Variants in TMEM108 observed in about 807,000 individuals in gnomAD.
TMEM108 encodes the protein cancer/testis antigen 124.
Under a neutral mutation model 35.1 loss-of-function variants are expected in TMEM108, and 12 were observed. The observed-to-expected ratio is 0.34, with a 90% CI of 0.22 to 0.55. The LOEUF (loss-of-function observed/expected upper bound fraction) is 0.55, where lower values mean the gene tolerates loss of function less well. TMEM108 is among the 20% of genes least tolerant of loss of function. The pLI is 0.89. For missense variants in TMEM108, 680 were observed against 753.3 expected (o/e 0.90, Z 1.14); for synonymous variants, 287 against 308.6 (o/e 0.93, Z 0.73).
At chr3:133,347,009 T>G (rs2071838910) in intron 3 of TMEM108, among the ~76,000 whole-genome samples, 2 of 152,140 alleles carry the variant, frequency 1.3e-5, no homozygotes, top group Middle Eastern at 3.2e-3. Flanking sequence ...TCTCTGTTCT[T>G]TCATCAGTAT....
intron 2 of TMEM108, among the ~76,000 whole-genome samples, chr3:133,057,573 G>C (rs1211112608): frequency 1.3e-5 from 2 of 150,462 alleles, no homozygotes; most frequent in African/African-American, 4.9e-5. Flanking sequence ...GGGTTCTTCT[G>C]CATTCTTTGG....
chr3:133,117,545 T>G (rs1944302499), intron 2 of TMEM108, among the ~76,000 whole-genome samples: 1 of 152,176 alleles, frequency 6.6e-6, no homozygotes, highest in Non-Finnish European at 1.5e-5. Flanking sequence ...TGCCATTGAC[T>G]GTTGTTGCCA....
At chr3:133,251,117 C>T (rs1429495143) in intron 3 of TMEM108, among the ~76,000 whole-genome samples, 3 of 152,098 alleles carry the variant, frequency 2.0e-5, no homozygotes, top group Non-Finnish European at 4.4e-5. Context: ...CATTCTGTAA[C>T]CCAAAGGGAC....
intron 3 of TMEM108, among the ~76,000 whole-genome samples, chr3:133,255,399 G>C (rs1354579391): frequency 6.6e-6 from 1 of 152,182 alleles, no homozygotes. Context: ...TTAAAATTCA[G>C]TGGATGGCTT....
intron 2 of TMEM108, among the ~76,000 whole-genome samples, chr3:133,127,661 C>A (rs1944435369): frequency 6.6e-6 from 1 of 152,306 alleles, no homozygotes; most frequent in African/African-American, 2.4e-5. Context: ...TCTTGTCTTC[C>A]ACTCCAGGCT....
chr3:133,335,528 G>GA (rs1248641965), intron 3 of TMEM108, among the ~76,000 whole-genome samples: 2 of 152,094 alleles, frequency 1.3e-5, no homozygotes, highest in African/African-American at 4.8e-5. Flanking sequence ...AAAAAAGTGG[G>GA]ATAAAATATA....
At position 133,089,776 on chromosome 3, in the gene TMEM108, C is replaced by T. The variant is rs139933305; in HGVS notation, c.-47+43756C>T. On this transcript the variant is annotated intron_variant, in intron 2 of 5. Transcript: ENST00000321871. ...TAATGGTCTGGTTGAAAACCTAGTTCATTCATAAACTGACCTGCTGAAGGC... is the reference window on the plus strand; with the variant it reads ...TAATGGTCTGGTTGAAAACCTAGTTTATTCATAAACTGACCTGCTGAAGGC... Among the ~76,000 whole-genome samples the T allele has an allele frequency of 3.8e-3, 575 of 152,326 alleles. 3 individuals carry two copies. The highest frequency in any genetic ancestry group is 0.01 in the Middle Eastern group (3 of 294).
At chr3:133,379,540 T>C (rs2072939180) in intron 3 of TMEM108, among the ~76,000 whole-genome samples, 1 of 152,108 alleles carries the variant, frequency 6.6e-6, no homozygotes, top group Non-Finnish European at 1.5e-5. Flanking sequence ...TGCTGGTCTC[T>C]CTTTCCAGCA....
intron 2 of TMEM108, among the ~76,000 whole-genome samples, chr3:133,194,151 A>G (rs1404627045): frequency 4.6e-5 from 7 of 152,070 alleles, no homozygotes; most frequent in Admixed American, 3.9e-4. Flanking sequence ...TGGTCAGGCT[A>G]GTCTTGAACT....
chr3:133,118,887 G>C (rs1308998702), intron 2 of TMEM108, among the ~76,000 whole-genome samples: 2 of 152,152 alleles, frequency 1.3e-5, no homozygotes, highest in Non-Finnish European at 1.5e-5. Context: ...CCAATAGTAA[G>C]AAGGTTGGCC....
rs866814364 is a variant in TMEM108 at position 133,384,997 on chromosome 3, A to G, written c.1450+3836A>G. ...ACCCTCTGCACCTGGTCCCCAGAGC[A>G]GTCTGGCCTCCTTCTAGACAGTGGA... On this transcript the variant is annotated intron_variant, in intron 4 of 5. Coordinates refer to ENST00000321871, the MANE Select transcript of TMEM108 (RefSeq NM_023943.4). 9.2e-5 allele frequency among the ~76,000 whole-genome samples: 14 copies of G among 152,124 alleles called. 1 individual carries two copies. Among genetic ancestry groups the G allele is most frequent in the South Asian group, 4.1e-4 (2 of 4,834 alleles).
chr3:133,389,057 G>T, intron 4 of TMEM108: 1 of 985,434 alleles, frequency 1.0e-6, no homozygotes, highest in Non-Finnish European at 1.2e-6. Flanking sequence ...ATGAACCTGG[G>T]GCAGGATATA....
At chr3:133,046,548 A>G (rs1344074218) in intron 2 of TMEM108, among the ~76,000 whole-genome samples, 1 of 152,152 alleles carries the variant, frequency 6.6e-6, no homozygotes, top group Non-Finnish European at 1.5e-5. Context: ...TGCCTGTTCC[A>G]TTTTATTTTA....
chr3:133,341,181 A>C (rs114673852), intron 3 of TMEM108, among the ~76,000 whole-genome samples: 6,654 of 151,900 alleles, frequency 0.044, 190 homozygotes, highest in Non-Finnish European at 0.064. Context: ...ACACCAAAAA[A>C]ACTATTAGAA....
chr3:133,213,588 G>T (rs971371234), intron 2 of TMEM108, among the ~76,000 whole-genome samples: 1 of 152,194 alleles, frequency 6.6e-6, no homozygotes, highest in African/African-American at 2.4e-5. Flanking sequence ...TTTCTTTGCA[G>T]TGAGTGACAG....
At chr3:133,234,047 A>G (rs914602730) in intron 3 of TMEM108, among the ~76,000 whole-genome samples, 1 of 152,004 alleles carries the variant, frequency 6.6e-6, no homozygotes, top group Non-Finnish European at 1.5e-5. Context: ...TAGTTTATTT[A>G]GATCCCATTT....
chr3:133,178,991 C>T lies in TMEM108; in HGVS notation c.-46-50275C>T, dbSNP rs1318728269. Reference sequence around the variant, plus strand: ...AAAAACAACCCCATCAAAAAGTGGGCGAAAGATATGAACAGACACTTCTCA... The same window carrying T: ...AAAAACAACCCCATCAAAAAGTGGGTGAAAGATATGAACAGACACTTCTCA... On this transcript the variant is annotated intron_variant, in intron 2 of 5. Coordinates refer to ENST00000321871, the MANE Select transcript of TMEM108 (RefSeq NM_023943.4). Among the ~76,000 whole-genome samples the T allele has an allele frequency of 6.6e-4, 101 of 152,102 alleles. 1 individual carries two copies. The highest frequency in any genetic ancestry group is 9.4e-4 in the African/African-American group (39 of 41,478).
At chr3:133,329,747 C>A (rs2071372311) in intron 3 of TMEM108, among the ~76,000 whole-genome samples, 1 of 152,128 alleles carries the variant, frequency 6.6e-6, no homozygotes, top group African/African-American at 2.4e-5. Flanking sequence ...AAGCAAATTG[C>A]AAAGTGAAGA....
At chr3:133,196,915 G>C (rs1945586645) in intron 2 of TMEM108, among the ~76,000 whole-genome samples, 1 of 152,222 alleles carries the variant, frequency 6.6e-6, no homozygotes, top group Non-Finnish European at 1.5e-5. Context: ...AGCCAGAATT[G>C]TGTCCCTGCT....
Sources: gnomAD v4.1 joint callset for allele counts (sites outside exome capture counted in the v4.1 genomes callset) on GRCh38, gnomAD v4.1.1 for gene constraint, MANE v1.5 for transcripts, NCBI Gene and HGNC (gene_info 2026-07-23, HGNC 2026-07-21) for gene names.